Variants in ERI3 observed in about 807,000 individuals in gnomAD.
The protein encoded by ERI3 is ERI1 exoribonuclease family member 3.
ERI3 carries 18 observed loss-of-function variants against 44.4 expected under a neutral mutation model. That is an observed-to-expected ratio of 0.41 (90% CI 0.28 to 0.60). The LOEUF is 0.60. ERI3 is among the 20% of genes least tolerant of loss of function. The pLI, the probability that ERI3 is intolerant of heterozygous loss-of-function variation, is 0.36. For synonymous variants in ERI3, 183 were observed against 164.8 expected, an observed-to-expected ratio of 1.11 and a Z score of -0.84; for missense variants, 294 against 435.5, an observed-to-expected ratio of 0.68 and a Z score of 2.89.
In ERI3 at chr1:44,354,985, C is replaced by T; in HGVS notation, c.42G>A (p.Arg14=). ...AGGAGACCAGCCCTCCTTCCCAGGG[C>T]CGCCCCCGCCCCCCGTCAGCAGCGG... is the stretch of plus-strand genomic sequence containing the variant. The part of the protein sequence containing the change: ...ASPAADGGRG[R]PWEGGLVSWP... The change falls in exon 1 of 9, where the codon CGG becomes CGA. Residue 14 remains arginine, a synonymous_variant. Transcript: ENST00000372257. 7.3e-7 allele frequency: 1 copy of T among 1,370,296 alleles called. No homozygotes were observed. Among genetic ancestry groups the T allele is most frequent in the Non-Finnish European group, 9.5e-7 (1 of 1,056,660 alleles). The allele number at this position is 1,370,296 out of a possible 1,614,324, so 84.9% of individuals were successfully genotyped here.
intron 4 of ERI3, among the ~76,000 whole-genome samples, chr1:44,316,062 A>G (rs1379866775): frequency 1.3e-5 from 2 of 151,866 alleles, no homozygotes; most frequent in African/African-American, 4.8e-5. Flanking sequence ...AGGTTTATAC[A>G]GGATGCTATG....
chr1:44,234,507 C>T (rs1390611788), intron 8 of ERI3, among the ~76,000 whole-genome samples: 1 of 151,478 alleles, frequency 6.6e-6, no homozygotes, highest in Admixed American at 6.6e-5. Flanking sequence ...ACTAAAAATA[C>T]AAAAAATTAG....
intron 7 of ERI3, among the ~76,000 whole-genome samples, chr1:44,266,519 G>A (rs1644993855): frequency 6.6e-6 from 1 of 152,150 alleles, no homozygotes; most frequent in African/African-American, 2.4e-5. Context: ...CAGTTCAAAG[G>A]GGATGGTTTT....
At chr1:44,272,588 T>A (rs1041304533) in intron 7 of ERI3, among the ~76,000 whole-genome samples, 1 of 152,132 alleles carries the variant, frequency 6.6e-6, no homozygotes, top group Non-Finnish European at 1.5e-5. Flanking sequence ...ACACCTGTAA[T>A]CCCAGCACTT....
At chr1:44,301,297 C>T (rs931704458) in intron 6 of ERI3, among the ~76,000 whole-genome samples, 2 of 152,160 alleles carry the variant, frequency 1.3e-5, no homozygotes, top group Admixed American at 1.3e-4. Context: ...AACCTCCTCC[C>T]CCTGCCCCCA....
chr1:44,261,838 AAGGGCTGGGTATGGGTACAAGAC>A (rs1306510960), intron 7 of ERI3, among the ~76,000 whole-genome samples: 6 of 152,242 alleles, frequency 3.9e-5, no homozygotes, highest in Non-Finnish European at 8.8e-5. Flanking sequence ...CCCTTGGCAG[AAGGGCTGGGTATGGGTACAAGAC>A]AGGGCTGGGA....
intron 7 of ERI3, among the ~76,000 whole-genome samples, chr1:44,279,323 C>A (rs1004608836): frequency 6.6e-6 from 1 of 152,040 alleles, no homozygotes; most frequent in African/African-American, 2.4e-5. Context: ...CTCCTGGGCT[C>A]AAGGGATCTT....
At chr1:44,257,479 T>C (rs1420266915) in intron 7 of ERI3, among the ~76,000 whole-genome samples, 3 of 152,216 alleles carry the variant, frequency 2.0e-5, no homozygotes, top group Admixed American at 6.5e-5. Flanking sequence ...CTGGTCCATC[T>C]TGTGGTTCCT....
At chr1:44,345,360 G>C (rs954649031) in intron 2 of ERI3, among the ~76,000 whole-genome samples, 3 of 152,176 alleles carry the variant, frequency 2.0e-5, no homozygotes, top group African/African-American at 7.2e-5. Context: ...GGATCTCTGG[G>C]ATGGTGTATG....
chr1:44,247,332 C>T (rs746231786), intron 8 of ERI3, among the ~76,000 whole-genome samples: 10 of 152,150 alleles, frequency 6.6e-5, no homozygotes, highest in Non-Finnish European at 1.2e-4. Flanking sequence ...ATCATAGCCA[C>T]TCCAGTTTCC....
intron 7 of ERI3, 154 bp downstream of exon 7, chr1:44,284,681 G>A (rs1298279199): frequency 1.6e-6 from 1 of 631,126 alleles, no homozygotes; most frequent in Admixed American, 2.8e-5. Context: ...CCACATTTCA[G>A]TGCATATTAG....
intron 4 of ERI3, among the ~76,000 whole-genome samples, chr1:44,314,701 C>T (rs1261481037): frequency 6.6e-6 from 1 of 152,122 alleles, no homozygotes; most frequent in African/African-American, 2.4e-5. Context: ...TCAGCAGCTT[C>T]AATAATCTTG....
At chr1:44,293,628 T>C (rs1645553138) in intron 6 of ERI3, among the ~76,000 whole-genome samples, 1 of 152,240 alleles carries the variant, frequency 6.6e-6, no homozygotes, top group South Asian at 2.1e-4. Flanking sequence ...GAGCTCCTTA[T>C]TATTTTACAG....
chr1:44,300,222 C>T (rs992167699), intron 6 of ERI3, among the ~76,000 whole-genome samples: 3 of 152,172 alleles, frequency 2.0e-5, no homozygotes, highest in Non-Finnish European at 4.4e-5. Flanking sequence ...CCTGATCAGT[C>T]ATTAAGCAAG....
At chr1:44,345,694 C>A (rs1646770232) in intron 2 of ERI3, among the ~76,000 whole-genome samples, 1 of 152,188 alleles carries the variant, frequency 6.6e-6, no homozygotes, top group African/African-American at 2.4e-5. Context: ...TAAACTGCAT[C>A]CCTTCAAAAG....
chr1:44,282,941 C>T (rs1487196135), intron 7 of ERI3, among the ~76,000 whole-genome samples: 1 of 152,216 alleles, frequency 6.6e-6, no homozygotes, highest in East Asian at 1.9e-4. Context: ...ACCAAGGTGG[C>T]CCTGAGTGAC....
chr1:44,271,431 C>T (rs1189535367), intron 7 of ERI3, among the ~76,000 whole-genome samples: 4 of 152,200 alleles, frequency 2.6e-5, no homozygotes, highest in African/African-American at 9.6e-5. Context: ...TTGATTTTCT[C>T]TCCCACACCC....
intron 4 of ERI3, among the ~76,000 whole-genome samples, chr1:44,317,285 G>A (rs561097382): frequency 6.6e-6 from 1 of 152,252 alleles, no homozygotes; most frequent in African/African-American, 2.4e-5. Context: ...TTCTCTGGTT[G>A]GAATGACCTC....
intron 3 of ERI3, among the ~76,000 whole-genome samples, chr1:44,325,047 T>C (rs1012464160): frequency 8.0e-5 from 12 of 149,606 alleles, no homozygotes; most frequent in East Asian, 2.0e-4. Flanking sequence ...CCTTGTAAAA[T>C]GGGTTGGAGC....
Sources: allele counts gnomAD v4.1 joint callset (sites outside exome capture counted in the v4.1 genomes callset), GRCh38; gene constraint gnomAD v4.1.1; transcripts MANE v1.5; gene names NCBI Gene and HGNC (gene_info 2026-07-23, HGNC 2026-07-21).